ABTB2: variants seen among roughly 807,000 people sequenced by gnomAD.
ABTB2 encodes ankyrin repeat and BTB/POZ domain-containing protein 2.
In ABTB2, 56 loss-of-function variants were observed where a neutral mutation model predicts 104.1. That is an observed-to-expected ratio of 0.54 (90% CI 0.43 to 0.67). The LOEUF (loss-of-function observed/expected upper bound fraction) is 0.67, where lower values mean the gene tolerates loss of function less well. Among genes scored for constraint, ABTB2 ranks in the 30% least tolerant of loss-of-function variants. The pLI, the probability that ABTB2 is intolerant of heterozygous loss-of-function variation, is 0.00. For synonymous variants in ABTB2, 606 were observed against 608.2 expected (o/e 1.00, Z 0.05); for missense variants, 1,279 against 1,407.7 (o/e 0.91, Z 1.46).
chr11:34,263,219 G>C (rs1333579107), intron 1 of ABTB2, among the ~76,000 whole-genome samples: 1 of 152,016 alleles, frequency 6.6e-6, no homozygotes, highest in Non-Finnish European at 1.5e-5. Context: ...TGGAGTGTTT[G>C]GTCTTACGTG....
At chr11:34,189,536 C>T (rs1590211509) in intron 3 of ABTB2, among the ~76,000 whole-genome samples, 1 of 152,168 alleles carries the variant, frequency 6.6e-6, no homozygotes. Context: ...AGGAGGTCGA[C>T]GTTGCAGTGA....
intron 1 of ABTB2, among the ~76,000 whole-genome samples, chr11:34,283,076 TTTTTTTTTTTTTTTTGTA>T (rs1854467114): frequency 1.5e-5 from 1 of 67,086 alleles, no homozygotes; most frequent in Admixed American, 1.6e-4. Flanking sequence ...GCCCAGCTAA[TTTTTTTTTTTTTTTTGTA>T]TTTTTAGTAG....
chr11:34,356,691 G>C lies in ABTB2; in HGVS notation c.883+10C>G. The C allele has an allele frequency of 6.4e-7, 1 of 1,571,426 alleles. No homozygotes were observed. Among genetic ancestry groups the C allele is most frequent in the Non-Finnish European group, 8.7e-7 (1 of 1,151,248 alleles). On this transcript the variant is annotated intron_variant, in intron 1 of 16. Transcript: ENST00000435224. The surrounding 1 kb of genome is among the most constrained non-coding windows in gnomAD (Gnocchi z 4.6). ...TACCCAGTCTGCCAGTCCGAGGCCC[G>C]CGCGCTTACCATTGGCGTTCTTGCC...
At chr11:34,193,904 C>T (rs959000997) in intron 3 of ABTB2, among the ~76,000 whole-genome samples, 3 of 152,210 alleles carry the variant, frequency 2.0e-5, no homozygotes, top group Non-Finnish European at 2.9e-5. Flanking sequence ...GCCCCTCCCT[C>T]CTCCCACTGT....
chr11:34,264,666 T>C, intron 1 of ABTB2, among the ~76,000 whole-genome samples: 1 of 152,212 alleles, frequency 6.6e-6, no homozygotes, highest in Admixed American at 6.5e-5. Context: ...TACAATGCTC[T>C]CCCTGTTCTG....
At position 34,306,982 on chromosome 11, in the gene ABTB2, T is replaced by TAAAAAA. The variant is rs61161318; in HGVS notation, c.883+49713_883+49718dup. On this transcript the variant is annotated intron_variant, in intron 1 of 16. Transcript: ENST00000435224. ...ACAGCTAGCACCATGTCAGGAAACT[T>TAAAAAA]AAAAAAAAAAAAAAAAAAAAAAGAA... 6.2e-4 allele frequency among the ~76,000 whole-genome samples: 59 copies of TAAAAAA among 94,422 alleles called. 1 individual carries two copies. The highest frequency in any genetic ancestry group is 1.7e-3 in the African/African-American group (43 of 25,014). 61.9% of individuals were successfully genotyped at this position (94,422 alleles called of 152,430 possible).
chr11:34,173,282 T>C lies in ABTB2; in HGVS notation c.1270A>G (p.Met424Val). 6.2e-7 allele frequency: 1 copy of C among 1,603,762 alleles called. No homozygotes were observed. Residue 424 changes from methionine to valine, a missense_variant, in exon 4 of 17, where the codon ATG becomes GTG. Coordinates refer to ENST00000435224, the MANE Select transcript of ABTB2 (RefSeq NM_145804.3). ...ERPFMLLPPL[M>V]EWMRVAITYA... ...GTGATGGCCACGCGCATCCACTCCA[T>C]GAGGGGCGGCAGCAGCATGAAGGGC...
At chr11:34,155,195 C>A (rs1488966800) in intron 14 of ABTB2, among the ~76,000 whole-genome samples, 1 of 152,242 alleles carries the variant, frequency 6.6e-6, no homozygotes, top group Non-Finnish European at 1.5e-5. Flanking sequence ...GATCTAAATT[C>A]TACACAGGGA....
intron 1 of ABTB2, among the ~76,000 whole-genome samples, chr11:34,297,885 G>A (rs1854644049): frequency 1.3e-5 from 2 of 151,800 alleles, no homozygotes; most frequent in Middle Eastern, 3.4e-3. Context: ...CGCCATGAAA[G>A]CTCCTCTCTT....
At chr11:34,223,165 G>A (rs558180850) in intron 1 of ABTB2, among the ~76,000 whole-genome samples, 4 of 152,254 alleles carry the variant, frequency 2.6e-5, no homozygotes, top group East Asian at 3.9e-4. Flanking sequence ...CGAGGCTGGC[G>A]TGTGATCTGC....
chr11:34,179,080 C>CAAA lies in ABTB2; in HGVS notation c.1245-5776_1245-5774dup, dbSNP rs111676312. On this transcript the variant is annotated intron_variant, in intron 3 of 16. Transcript: ENST00000435224. Reference sequence around the variant, plus strand: ...TGGGTGACAGAGTGAAACTCCAACTCAAAAAAAAAAAAAAAAAAAATTAAT... The same window carrying CAAA: ...TGGGTGACAGAGTGAAACTCCAACTCAAAAAAAAAAAAAAAAAAAAAAATTAAT... Among the ~76,000 whole-genome samples the CAAA allele has an allele frequency of 5.0e-3, 493 of 98,412 alleles. 6 individuals are homozygous for CAAA. Among genetic ancestry groups the CAAA allele is most frequent in the Middle Eastern group, 0.023 (4 of 174 alleles). The allele number at this position is 98,412 out of a possible 152,430, so 64.6% of individuals were successfully genotyped here. A position where few individuals can be genotyped will look rare whatever the true frequency, so the allele number is the denominator to read the frequency against.
chr11:34,357,613 G>A lies in ABTB2; in HGVS notation c.-30C>T. On this transcript the variant is annotated 5_prime_UTR_variant, in exon 1 of 17. Transcript: ENST00000435224. ...AGCCTGCCGAGGGCGGCGTCGCCGA[G>A]CGAGGGGCACTCACAACTCCATGCC... The A allele has an allele frequency of 1.3e-6, 2 of 1,484,732 alleles. No homozygotes were observed. The highest frequency in any genetic ancestry group is 1.8e-6 in the Non-Finnish European group (2 of 1,116,234). 92.0% of individuals were successfully genotyped at this position (1,484,732 alleles called of 1,614,324 possible). A position where few individuals can be genotyped will look rare whatever the true frequency, so the allele number is the denominator to read the frequency against.
Position 34,356,147 on chromosome 11 carries a change from C to T in ABTB2, c.883+554G>A, listed in dbSNP as rs1179209873. 6.6e-6 allele frequency among the ~76,000 whole-genome samples: 1 copy of T among 152,174 alleles called. No homozygotes were observed. The highest frequency in any genetic ancestry group is 1.9e-4 in the East Asian group (1 of 5,202). On this transcript the variant is annotated intron_variant, in intron 1 of 16. Coordinates refer to ENST00000435224, the MANE Select transcript of ABTB2 (RefSeq NM_145804.3). This position sits in a 1 kb window ranked among gnomAD's most constrained non-coding sequence, Gnocchi z 4.6. Reference sequence around the variant, plus strand: ...ACTACCCCTCCATCCCCCAAGAGAGCGCCTGACAGCATCCTTCAGCCCAGC... The same window carrying T: ...ACTACCCCTCCATCCCCCAAGAGAGTGCCTGACAGCATCCTTCAGCCCAGC...
chr11:34,312,152 A>T (rs1854863347), intron 1 of ABTB2, among the ~76,000 whole-genome samples: 2 of 150,082 alleles, frequency 1.3e-5, no homozygotes, highest in East Asian at 3.9e-4. Context: ...AAAAAAAAAA[A>T]AAAGAAAAAG....
At chr11:34,218,280 A>G (rs1300320179) in intron 1 of ABTB2, among the ~76,000 whole-genome samples, 1 of 152,200 alleles carries the variant, frequency 6.6e-6, no homozygotes, top group African/African-American at 2.4e-5. Context: ...CTTACAGAGT[A>G]GAAACTAATT....
intron 1 of ABTB2, among the ~76,000 whole-genome samples, chr11:34,338,539 G>GTA (rs1415225292): frequency 3.0e-5 from 4 of 132,788 alleles, no homozygotes; most frequent in African/African-American, 1.3e-4. Context: ...TCTACTAAAA[G>GTA]TACAAAAAAA....
chr11:34,238,436 T>C (rs1853872464), intron 1 of ABTB2, among the ~76,000 whole-genome samples: 1 of 152,242 alleles, frequency 6.6e-6, no homozygotes, highest in Admixed American at 6.5e-5. Flanking sequence ...GGCAGGGCTT[T>C]TGTCTGTTTT....
At position 34,152,603 on chromosome 11, in the gene ABTB2, A is replaced by C. The variant is rs1351909961; in HGVS notation, c.2881-19T>G. On this transcript the variant is annotated intron_variant, in intron 16 of 16. Coordinates refer to ENST00000435224, the MANE Select transcript of ABTB2 (RefSeq NM_145804.3). ...TGTGGATCTGTAGGGCAGAGAGAGG[A>C]GGGGTGAAGCCCATCGCCTTAGTAC... 3 of 1,597,582 alleles carry C rather than the reference A, an allele frequency of 1.9e-6. No homozygotes were observed. The East Asian group carries it at 6.7e-5, about 36-fold the overall frequency.
chr11:34,337,111 C>T (rs530691222), intron 1 of ABTB2, among the ~76,000 whole-genome samples: 2 of 152,386 alleles, frequency 1.3e-5, no homozygotes, highest in African/African-American at 4.8e-5. Flanking sequence ...CACCTGAGTG[C>T]AAGTGAGTGG....
Sources: gnomAD v4.1 joint callset for allele counts (sites outside exome capture counted in the v4.1 genomes callset) on GRCh38, gnomAD v4.1.1 for gene constraint, Gnocchi (gnomAD v3.1) non-coding constraint, MANE v1.5 for transcripts, NCBI Gene and HGNC (gene_info 2026-07-23, HGNC 2026-07-21) for gene names.